Variants in ETV6 observed in about 807,000 individuals in gnomAD.
ETV6 encodes ETS variant transcription factor 6.
ETV6 carries 16 observed loss-of-function variants against 51.1 expected under a neutral mutation model. The observed-to-expected ratio is 0.31, with a 90% CI of 0.21 to 0.48. The LOEUF (loss-of-function observed/expected upper bound fraction) is 0.48, where lower values mean the gene tolerates loss of function less well. ETV6 is among the 20% of genes least tolerant of loss of function. ETV6 has a pLI of 0.99. For synonymous variants in ETV6, 240 were observed against 224.1 expected (o/e 1.07, Z -0.64); for missense variants, 458 against 594.8 (o/e 0.77, Z 2.39).
At chr12:11,838,909 G>GT (rs1946351617) in intron 2 of ETV6, among the ~76,000 whole-genome samples, 1 of 152,244 alleles carries the variant, frequency 6.6e-6, no homozygotes. Context: ...GTAGGGTTTG[G>GT]TGTACAAACT....
At chr12:11,709,097 T>G (rs764077193) in intron 1 of ETV6, among the ~76,000 whole-genome samples, 58 of 152,162 alleles carry the variant, frequency 3.8e-4, no homozygotes, top group Non-Finnish European at 7.6e-4. Context: ...GTATTCTATA[T>G]GTAATATTTG....
At chr12:11,853,400 C>T (rs1436477064) in intron 3 of ETV6, 27 bp from the exon 4 acceptor site, 8 of 1,613,504 alleles carry the variant, frequency 5.0e-6, no homozygotes, top group East Asian at 2.2e-5. Flanking sequence ...TTCCATTTCT[C>T]GATTTCCCTT....
chr12:11,718,596 T>C (rs1161448589), intron 1 of ETV6, among the ~76,000 whole-genome samples: 1 of 134,382 alleles, frequency 7.4e-6, no homozygotes, highest in African/African-American at 2.8e-5. Context: ...CGAAACCCCA[T>C]CGCTACTAAA....
intron 2 of ETV6, among the ~76,000 whole-genome samples, chr12:11,761,745 A>G (rs1488505540): frequency 2.6e-5 from 4 of 152,226 alleles, no homozygotes; most frequent in Middle Eastern, 3.2e-3. Flanking sequence ...GGGTCATCCC[A>G]GCAGTTCATT....
chr12:11,660,164 C>T (rs558906288), intron 1 of ETV6, among the ~76,000 whole-genome samples: 1 of 152,132 alleles, frequency 6.6e-6, no homozygotes, highest in East Asian at 1.9e-4. Context: ...CACATGTACC[C>T]CCAAAATATG....
At chr12:11,777,266 C>T (rs577195536) in intron 2 of ETV6, among the ~76,000 whole-genome samples, 2 of 140,590 alleles carry the variant, frequency 1.4e-5, no homozygotes, top group East Asian at 2.1e-4. Context: ...AAAAAAATCA[C>T]GTTTTTTAAA....
chr12:11,844,735 T>C (rs1369879717), intron 3 of ETV6, among the ~76,000 whole-genome samples: 2 of 151,238 alleles, frequency 1.3e-5, no homozygotes, highest in Non-Finnish European at 2.9e-5. Context: ...GTTGGCTCTT[T>C]CTTTACTGTG....
intron 1 of ETV6, among the ~76,000 whole-genome samples, chr12:11,669,271 C>T (rs983730363): frequency 1.3e-5 from 2 of 152,060 alleles, no homozygotes; most frequent in African/African-American, 4.8e-5. Context: ...GAAGTCTGAT[C>T]CAAAAGACTG....
At chr12:11,738,785 T>G (rs915177288) in intron 1 of ETV6, among the ~76,000 whole-genome samples, 4 of 152,130 alleles carry the variant, frequency 2.6e-5, no homozygotes, top group African/African-American at 9.7e-5. Flanking sequence ...TTCTGAGGGG[T>G]GCAAATGATT....
At chr12:11,808,837 C>T (rs182025534) in intron 2 of ETV6, among the ~76,000 whole-genome samples, 1 of 152,042 alleles carries the variant, frequency 6.6e-6, no homozygotes, top group African/African-American at 2.4e-5. Context: ...AATGGGATTT[C>T]AGGGAATTCA....
intron 2 of ETV6, among the ~76,000 whole-genome samples, chr12:11,824,539 G>A (rs1038263446): frequency 6.6e-6 from 1 of 152,230 alleles, no homozygotes; most frequent in Non-Finnish European, 1.5e-5. Context: ...AGTACTTTGG[G>A]AGGCCGAGGC....
chr12:11,733,722 GT>G (rs1414763909), intron 1 of ETV6, among the ~76,000 whole-genome samples: 2 of 152,188 alleles, frequency 1.3e-5, no homozygotes, highest in African/African-American at 4.8e-5. Flanking sequence ...AATGAAATGT[GT>G]TTATTATTAG....
At chr12:11,656,063 C>T (rs1863993765) in intron 1 of ETV6, among the ~76,000 whole-genome samples, 2 of 152,218 alleles carry the variant, frequency 1.3e-5, no homozygotes, top group Admixed American at 1.3e-4. Flanking sequence ...CTTCTTCCTC[C>T]TCCATCATCA....
At chr12:11,841,478 G>T (rs1361351119) in intron 3 of ETV6, among the ~76,000 whole-genome samples, 1 of 152,224 alleles carries the variant, frequency 6.6e-6, no homozygotes, top group Non-Finnish European at 1.5e-5. Flanking sequence ...AAGTATATTT[G>T]GGTGATGGTG....
intron 2 of ETV6, among the ~76,000 whole-genome samples, chr12:11,784,547 C>T (rs562584136): frequency 2.4e-4 from 36 of 151,294 alleles, no homozygotes; most frequent in Non-Finnish European, 4.4e-4. Flanking sequence ...GCACAAACAA[C>T]AATAAAGACC....
intron 1 of ETV6, among the ~76,000 whole-genome samples, chr12:11,681,880 T>C (rs1864537354): frequency 6.6e-6 from 1 of 152,172 alleles, no homozygotes; most frequent in Admixed American, 6.5e-5. Flanking sequence ...TCAACCATGT[T>C]CCTGCAAAGG....
chr12:11,803,724 C>G (rs1945785924), intron 2 of ETV6, among the ~76,000 whole-genome samples: 1 of 152,132 alleles, frequency 6.6e-6, no homozygotes, highest in African/African-American at 2.4e-5. Flanking sequence ...ATGATTACTC[C>G]TGGTTTTACA....
chr12:11,891,150 G>C lies in ETV6; in HGVS notation c.*104G>C. On this transcript the variant is annotated 3_prime_UTR_variant, in exon 8 of 8. Coordinates refer to ENST00000396373, the MANE Select transcript of ETV6 (RefSeq NM_001987.5). Reference sequence around the variant, plus strand: ...CAGGCGGGCTGAGGAGAGTGGAAAAGGAAGCGACCCAGAAATGGCAGGGAC... The same window carrying C: ...CAGGCGGGCTGAGGAGAGTGGAAAACGAAGCGACCCAGAAATGGCAGGGAC... The C allele has an allele frequency of 1.2e-6, 1 of 864,828 alleles. No individual in the cohort carries two copies. The allele number at this position is 864,828 out of a possible 1,614,324, so 53.6% of individuals were successfully genotyped here. A position where few individuals can be genotyped will look rare whatever the true frequency, so the allele number is the denominator to read the frequency against.
In ETV6 at chr12:11,813,633, C is replaced by T. The variant is rs192453748; in HGVS notation, c.164-25507C>T. ...TCTCTTTTCCTCCCCCACCCCTTCACGGCCTGCCCTTTCCTGATTCTTCAG... is the reference window on the plus strand; with the variant it reads ...TCTCTTTTCCTCCCCCACCCCTTCATGGCCTGCCCTTTCCTGATTCTTCAG... On this transcript the variant is annotated intron_variant, in intron 2 of 7. Coordinates refer to ENST00000396373, the MANE Select transcript of ETV6 (RefSeq NM_001987.5). Among the ~76,000 whole-genome samples the T allele has an allele frequency of 9.2e-3, 1,348 of 146,730 alleles. 14 individuals carry two copies. Among genetic ancestry groups the T allele is most frequent in the Non-Finnish European group, 0.014 (950 of 66,290 alleles).
Sources: allele counts gnomAD v4.1 joint callset (sites outside exome capture counted in the v4.1 genomes callset), GRCh38; gene constraint gnomAD v4.1.1; transcripts MANE v1.5; gene names NCBI Gene and HGNC (gene_info 2026-07-23, HGNC 2026-07-21).